Variants in KMT2C observed in about 807,000 individuals in gnomAD.
KMT2C encodes the protein histone-lysine N-methyltransferase 2C.
KMT2C carries 88 observed loss-of-function variants against 507.9 expected under a neutral mutation model. That is an observed-to-expected ratio of 0.17 (90% CI 0.15 to 0.21). The LOEUF (loss-of-function observed/expected upper bound fraction) is 0.21. KMT2C is among the 10% of genes least tolerant of loss of function. The pLI is 1.00. For missense variants in KMT2C, 4,954 were observed against 5,957.8 expected, an observed-to-expected ratio of 0.83 and a Z score of 5.55; for synonymous variants, 2,049 against 2,080.8, an observed-to-expected ratio of 0.98 and a Z score of 0.42.
At chr7:152,182,908 G>A in intron 35 of KMT2C, 66 bp downstream of exon 35, 1 of 1,136,938 alleles carries the variant, frequency 8.8e-7, no homozygotes. Context: ...AAATAATAAT[G>A]CAAAGACCTC....
At chr7:152,242,952 T>A (rs1488354454) in intron 14 of KMT2C, among the ~76,000 whole-genome samples, 1 of 152,068 alleles carries the variant, frequency 6.6e-6, no homozygotes, top group Non-Finnish European at 1.5e-5. Context: ...TTAGGAAAAG[T>A]GAAAGCAATG....
At chr7:152,303,293 C>A (rs2096587484) in intron 6 of KMT2C, among the ~76,000 whole-genome samples, 1 of 152,184 alleles carries the variant, frequency 6.6e-6, no homozygotes, top group African/African-American at 2.4e-5. Context: ...ATATGTCAAA[C>A]CAGGATTTCT....
chr7:152,212,115 G>GA (rs911099013), intron 23 of KMT2C, among the ~76,000 whole-genome samples: 1 of 152,066 alleles, frequency 6.6e-6, no homozygotes, highest in African/African-American at 2.4e-5. Context: ...AGAAAGAAAA[G>GA]AAAAAGACCA....
At position 152,195,952 on chromosome 7, in the gene KMT2C, G is replaced by A. The variant is rs763476421; in HGVS notation, c.4333C>T (p.Leu1445Phe). Reference protein sequence around the residue: ...SEVLNTDDDILGIISDDLAKS... With the variant: ...SEVLNTDDDIFGIISDDLAKS... ...GCTAGATCATCTGAAATTATTCCAA[G>A]AATGTCATCATCTGTGTTTAAAACT... The change falls in exon 28 of 59, where the codon CTT (leucine) becomes TTT (phenylalanine). Residue 1445 changes from leucine to phenylalanine, a missense_variant. Physicochemically the swap from Leu to Phe is conservative, Grantham distance 22 (BLOSUM62 0). Coordinates refer to ENST00000262189, the MANE Select transcript of KMT2C (RefSeq NM_170606.3). 2 of 1,610,046 alleles carry A rather than the reference G, an allele frequency of 1.2e-6. No homozygotes were observed. Among genetic ancestry groups the A allele is most frequent in the Admixed American group, 1.7e-5 (1 of 59,800 alleles).
chr7:152,434,103 A>G (rs1162909012), intron 1 of KMT2C, among the ~76,000 whole-genome samples: 2 of 152,236 alleles, frequency 1.3e-5, no homozygotes, highest in Non-Finnish European at 2.9e-5. Flanking sequence ...AGTGGCTTAC[A>G]TGTCTAAAAA....
At position 152,368,025 on chromosome 7, in the gene KMT2C, C is replaced by G. The variant is rs2097261424; in HGVS notation, c.162-9350G>C. On this transcript the variant is annotated intron_variant, in intron 1 of 58. Coordinates refer to ENST00000262189, the MANE Select transcript of KMT2C (RefSeq NM_170606.3). ...ACATAAAATTAAGATATATGATTTT[C>G]CAGAAATAGATGATGAAGAAGAAAA... 11 of 848,600 alleles carry G rather than the reference C, an allele frequency of 1.3e-5. No homozygotes were observed. The Admixed American group carries it at 2.2e-4, about 17-fold the overall frequency. The allele number at this position is 848,600 out of a possible 1,614,324, so 52.6% of individuals were successfully genotyped here.
At chr7:152,212,790 C>T (rs560320789) in intron 23 of KMT2C, among the ~76,000 whole-genome samples, 7 of 152,238 alleles carry the variant, frequency 4.6e-5, no homozygotes, top group African/African-American at 1.4e-4. Flanking sequence ...CCTGTAATCC[C>T]AGCACTTTGG....
rs545809680 is a variant in KMT2C at position 152,195,191 on chromosome 7, A to G, written c.4379-623T>C. On this transcript the variant is annotated intron_variant, in intron 28 of 58. Coordinates refer to ENST00000262189, the MANE Select transcript of KMT2C (RefSeq NM_170606.3). ...TCTACATTTTTTTCATGCTTTCTCA[A>G]TATTATTACTATTAAAAAGTAAAAA... Among the ~76,000 whole-genome samples, 335 of 152,306 alleles carry G rather than the reference A, an allele frequency of 2.2e-3. 3 individuals carry two copies. Among genetic ancestry groups the G allele is most frequent in the Middle Eastern group, 0.01 (3 of 294 alleles).
intron 6 of KMT2C, among the ~76,000 whole-genome samples, chr7:152,301,655 C>T (rs6979744): frequency 0.043 from 6,529 of 152,200 alleles, 489 homozygotes; most frequent in African/African-American, 0.15. Flanking sequence ...CCACTGCATT[C>T]CAGCTTAAAC....
At position 152,205,179 on chromosome 7, in the gene KMT2C, C is replaced by T. The variant is rs759588962; in HGVS notation, c.3888G>A (p.Gly1296=). The part of the protein sequence containing the change: ...MVRQRSRTGQ[G]KTKRSVIRKD... ...TTCTGATCACAGATCTTTTGGTTTT[C>T]CCTTGCCCAGTTCGACTTCTTTGCC... The change falls in exon 25 of 59, where the codon GGG becomes GGA. Residue 1296 remains glycine, a synonymous_variant. Transcript: ENST00000262189. 11 of 1,611,378 alleles carry T rather than the reference C, an allele frequency of 6.8e-6. No individual in the cohort carries two copies. In the South Asian group the frequency reaches 8.8e-5, roughly 13 times the overall value.
chr7:152,306,023 C>T (rs923173698), intron 6 of KMT2C, among the ~76,000 whole-genome samples: 3 of 152,170 alleles, frequency 2.0e-5, no homozygotes, highest in Non-Finnish European at 4.4e-5. Flanking sequence ...ATGCACACAT[C>T]TATATTTCTG....
chr7:152,369,590 A>C (rs1452185545), intron 1 of KMT2C, among the ~76,000 whole-genome samples: 2 of 152,200 alleles, frequency 1.3e-5, no homozygotes, highest in Non-Finnish European at 2.9e-5. Flanking sequence ...GGTTGTTAAG[A>C]GGGATTAATG....
chr7:152,201,311 C>CAG (rs991530661), intron 26 of KMT2C, among the ~76,000 whole-genome samples: 1 of 151,600 alleles, frequency 6.6e-6, no homozygotes, highest in Non-Finnish European at 1.5e-5. Context: ...CACACACACA[C>CAG]ACACACACAC....
chr7:152,413,144 G>T (rs1273121797), intron 1 of KMT2C, among the ~76,000 whole-genome samples: 1 of 152,060 alleles, frequency 6.6e-6, no homozygotes, highest in Non-Finnish European at 1.5e-5. Flanking sequence ...CGGAGACAGG[G>T]TCTCACTTTG....
chr7:152,254,410 CAA>C (rs2095611662), intron 9 of KMT2C, among the ~76,000 whole-genome samples: 1 of 151,768 alleles, frequency 6.6e-6, no homozygotes, highest in East Asian at 1.9e-4. Flanking sequence ...ACAAGAAATT[CAA>C]AGATATTTAA....
At chr7:152,383,931 A>G (rs1157730028) in intron 1 of KMT2C, among the ~76,000 whole-genome samples, 2 of 151,952 alleles carry the variant, frequency 1.3e-5, no homozygotes, top group Non-Finnish European at 2.9e-5. Flanking sequence ...ACTTTTCAAC[A>G]CCAATCACTT....
At chr7:152,375,927 A>C (rs1321850401) in intron 1 of KMT2C, among the ~76,000 whole-genome samples, 2 of 152,080 alleles carry the variant, frequency 1.3e-5, no homozygotes, top group Non-Finnish European at 2.9e-5. Context: ...TCCGGACTCA[A>C]GTGCTCAGCC....
chr7:152,391,644 C>A (rs867150738), intron 1 of KMT2C, among the ~76,000 whole-genome samples: 2 of 149,414 alleles, frequency 1.3e-5, no homozygotes, highest in Non-Finnish European at 3.0e-5. Context: ...TCAAGCAATT[C>A]TCCTACCTCA....
At position 152,135,789 on chromosome 7, in the gene KMT2C, A is replaced by C. The variant is rs535188953; in HGVS notation, c.*1043T>G. The C allele has an allele frequency of 1.3e-5, 3 of 230,096 alleles. No individual in the cohort carries two copies. Among genetic ancestry groups the C allele is most frequent in the African/African-American group, 6.6e-5 (3 of 45,254 alleles). The allele number at this position is 230,096 out of a possible 1,614,324, so 14.3% of individuals were successfully genotyped here. The stretch of plus-strand genomic sequence containing the variant: ...ATGAAAAAATTAGTTTAAATTACCA[A>C]AACAGCTATAAAAGTTGTAGTCGTA... On this transcript the variant is annotated 3_prime_UTR_variant, in exon 59 of 59. Transcript: ENST00000262189.
Sources: allele counts gnomAD v4.1 joint callset (sites outside exome capture counted in the v4.1 genomes callset), GRCh38; gene constraint gnomAD v4.1.1; transcripts MANE v1.5; gene names NCBI Gene and HGNC (gene_info 2026-07-23, HGNC 2026-07-21).